The following CNTNAP2 variants were observed in gnomAD, a reference collection of about 807,000 sequenced individuals.
CNTNAP2 encodes the protein contactin-associated protein-like 2.
CNTNAP2 carries 98 observed loss-of-function variants against 155.2 expected under a neutral mutation model. The observed-to-expected ratio is 0.63, with a 90% confidence interval of 0.54 to 0.75. The LOEUF (loss-of-function observed/expected upper bound fraction) is 0.75, where lower values mean the gene tolerates loss of function less well. Among genes scored for constraint, CNTNAP2 ranks in the 30% least tolerant of loss-of-function variants. The pLI, the probability that CNTNAP2 is intolerant of heterozygous loss-of-function variation, is 0.00. For missense variants in CNTNAP2, 1,727 were observed against 1,688.1 expected, an observed-to-expected ratio of 1.02 and a Z score of -0.40; for synonymous variants, 651 against 631.2, an observed-to-expected ratio of 1.03 and a Z score of -0.47.
At chr7:146,700,708 A>G (rs1447940068) in intron 1 of CNTNAP2, among the ~76,000 whole-genome samples, 1 of 152,062 alleles carries the variant, frequency 6.6e-6, no homozygotes, top group African/African-American at 2.4e-5. Context: ...AGAGAAGAGA[A>G]GAGAAACAAT....
At chr7:147,629,646 G>A (rs922092649) in intron 12 of CNTNAP2, among the ~76,000 whole-genome samples, 1 of 151,652 alleles carries the variant, frequency 6.6e-6, no homozygotes, top group African/African-American at 2.4e-5. Context: ...GACCACAGTG[G>A]AAAAAAAGTG....
intron 13 of CNTNAP2, among the ~76,000 whole-genome samples, chr7:147,803,221 C>T (rs1247374579): frequency 1.3e-5 from 2 of 152,012 alleles, no homozygotes; most frequent in East Asian, 1.9e-4. Flanking sequence ...AAAAATTAAC[C>T]AGCAAAAACC....
intron 4 of CNTNAP2, among the ~76,000 whole-genome samples, chr7:147,083,637 GTATA>G (rs1800192778): frequency 7.0e-6 from 1 of 142,568 alleles, no homozygotes; most frequent in South Asian, 2.2e-4. Context: ...CTGTATGTGT[GTATA>G]TATCTATAAT....
At chr7:147,637,096 C>T (rs528176720) in intron 12 of CNTNAP2, among the ~76,000 whole-genome samples, 20 of 152,176 alleles carry the variant, frequency 1.3e-4, no homozygotes, top group African/African-American at 4.6e-4. Flanking sequence ...AGCCAGGTCA[C>T]GGAGGGACTT....
At chr7:147,527,560 T>C (rs1193124125) in intron 11 of CNTNAP2, among the ~76,000 whole-genome samples, 1 of 152,328 alleles carries the variant, frequency 6.6e-6, no homozygotes, top group East Asian at 1.9e-4. Flanking sequence ...ATTTTTAAAA[T>C]GTATTCTGAA....
At chr7:148,014,183 A>G (rs1585077921) in intron 15 of CNTNAP2, 1 of 151,924 alleles carries the variant, frequency 6.6e-6, no homozygotes, top group Non-Finnish European at 1.5e-5. Flanking sequence ...CTGGAACAGA[A>G]CCCACTCACC....
At chr7:147,786,384 T>G (rs1273742961) in intron 13 of CNTNAP2, among the ~76,000 whole-genome samples, 1 of 152,156 alleles carries the variant, frequency 6.6e-6, no homozygotes, top group Non-Finnish European at 1.5e-5. Flanking sequence ...TCTGGGAGGT[T>G]GGAGATGACA....
chr7:148,089,616 T>C (rs954288110), intron 15 of CNTNAP2, among the ~76,000 whole-genome samples: 5 of 151,940 alleles, frequency 3.3e-5, no homozygotes, highest in African/African-American at 1.2e-4. Flanking sequence ...ATGAAATTTA[T>C]AAAACATTGA....
In CNTNAP2 at chr7:148,125,729, A is replaced by C. The variant is rs1185155617; in HGVS notation, c.2554+7441A>C. Among the ~76,000 whole-genome samples the C allele has an allele frequency of 7.3e-5, 10 of 137,546 alleles. 1 individual carries two copies. Among genetic ancestry groups the C allele is most frequent in the Non-Finnish European group, 1.1e-4 (7 of 65,274 alleles). 90.2% of individuals were successfully genotyped at this position (137,546 alleles called of 152,430 possible). ...TTTTTTTTTTTTTGGACAGATTCTCACTCACTCTGCCAGCTGGGCTAGAGT... is the reference window on the plus strand; with the variant it reads ...TTTTTTTTTTTTTGGACAGATTCTCCCTCACTCTGCCAGCTGGGCTAGAGT... On this transcript the variant is annotated intron_variant, in intron 16 of 23. Coordinates refer to ENST00000361727, the MANE Select transcript of CNTNAP2 (RefSeq NM_014141.6).
intron 8 of CNTNAP2, among the ~76,000 whole-genome samples, chr7:147,225,023 C>T (rs537495115): frequency 4.6e-5 from 7 of 152,090 alleles, no homozygotes; most frequent in African/African-American, 9.7e-5. Flanking sequence ...GTGAGCACAG[C>T]GTAGAACATT....
chr7:146,177,507 G>GC (rs1798486787), intron 1 of CNTNAP2, among the ~76,000 whole-genome samples: 1 of 151,996 alleles, frequency 6.6e-6, no homozygotes, highest in Non-Finnish European at 1.5e-5. Context: ...TCTTACAACT[G>GC]AAAAAAACAG....
chr7:146,824,212 G>A (rs1044766531), intron 2 of CNTNAP2, among the ~76,000 whole-genome samples: 1 of 152,124 alleles, frequency 6.6e-6, no homozygotes, highest in African/African-American at 2.4e-5. Context: ...CAAAGGACAT[G>A]AACTCATTCT....
At chr7:148,231,520 C>CA (rs1213520425) in intron 20 of CNTNAP2, among the ~76,000 whole-genome samples, 2 of 151,984 alleles carry the variant, frequency 1.3e-5, no homozygotes, top group Non-Finnish European at 1.5e-5. Flanking sequence ...ACTAGAATAC[C>CA]ACTAGGTTTC....
chr7:148,048,468 G>C (rs527305564), intron 15 of CNTNAP2, among the ~76,000 whole-genome samples: 1 of 152,094 alleles, frequency 6.6e-6, no homozygotes, highest in East Asian at 1.9e-4. Flanking sequence ...GTGCTTCTTT[G>C]ACATTTCTTC....
chr7:147,588,140 A>T (rs577297490), intron 12 of CNTNAP2, among the ~76,000 whole-genome samples: 8 of 152,124 alleles, frequency 5.3e-5, no homozygotes, highest in African/African-American at 1.7e-4. Flanking sequence ...TAAATTATGA[A>T]TTTTTTTTGT....
At chr7:146,329,415 G>C (rs1157674873) in intron 1 of CNTNAP2, among the ~76,000 whole-genome samples, 2 of 152,140 alleles carry the variant, frequency 1.3e-5, no homozygotes, top group Non-Finnish European at 2.9e-5. Flanking sequence ...CATATATGGA[G>C]GCTAGCTGCC....
intron 4 of CNTNAP2, among the ~76,000 whole-genome samples, chr7:147,096,047 A>G (rs1274350092): frequency 6.6e-6 from 1 of 152,178 alleles, no homozygotes; most frequent in Non-Finnish European, 1.5e-5. Flanking sequence ...TTTAGCATTA[A>G]TCATGTTGTT....
chr7:146,618,287 A>G (rs1368634961), intron 1 of CNTNAP2, among the ~76,000 whole-genome samples: 1 of 152,192 alleles, frequency 6.6e-6, no homozygotes, highest in Non-Finnish European at 1.5e-5. Flanking sequence ...TAAAATTACA[A>G]AATTATTGTT....
At chr7:147,299,433 G>GTT (rs34268441) in intron 8 of CNTNAP2, among the ~76,000 whole-genome samples, 1,811 of 143,250 alleles carry the variant, frequency 0.013, 27 homozygotes, top group African/African-American at 0.034. Context: ...TTATTTTGCT[G>GTT]TTTTTTTTTT....
Sources: gnomAD v4.1 joint callset for allele counts (sites outside exome capture counted in the v4.1 genomes callset) on GRCh38, gnomAD v4.1.1 for gene constraint, MANE v1.5 for transcripts, NCBI Gene and HGNC (gene_info 2026-07-23, HGNC 2026-07-21) for gene names.